The following DPP8 variants were observed in gnomAD, a reference collection of about 807,000 sequenced individuals.
DPP8 encodes the protein DPP VIII.
Under a neutral mutation model 107.5 loss-of-function variants are expected in DPP8, and 31 were observed. The observed-to-expected ratio is 0.29, with a 90% CI of 0.22 to 0.39. The LOEUF is 0.39. Among genes scored for constraint, DPP8 ranks in the 10% least tolerant of loss-of-function variants. The pLI is 1.00. For synonymous variants in DPP8, 381 were observed against 356.6 expected (o/e 1.07, Z -0.77); for missense variants, 842 against 1,076.1 (o/e 0.78, Z 3.04).
intron 17 of DPP8, among the ~76,000 whole-genome samples, chr15:65,453,411 T>C (rs1016638082): frequency 2.0e-5 from 3 of 152,138 alleles, no homozygotes; most frequent in South Asian, 2.1e-4. Flanking sequence ...TTAAACATTA[T>C]ACATGTTTAA....
chr15:65,454,597 G>A (rs1472770082), intron 16 of DPP8, among the ~76,000 whole-genome samples, 182 bp from the exon 17 acceptor site: 1 of 152,198 alleles, frequency 6.6e-6, no homozygotes, highest in Admixed American at 6.5e-5. Context: ...CGCAGTCTCG[G>A]CTCACTGCAA....
chr15:65,514,357 T>C (rs1271104220), intron 1 of DPP8, among the ~76,000 whole-genome samples: 1 of 152,170 alleles, frequency 6.6e-6, no homozygotes, highest in Admixed American at 6.5e-5. Context: ...AGTCATTTAG[T>C]TCAAGGAGTA....
chr15:65,483,163 G>A (rs746484285), intron 8 of DPP8, among the ~76,000 whole-genome samples: 22 of 151,968 alleles, frequency 1.4e-4, no homozygotes, highest in Admixed American at 3.3e-4. Flanking sequence ...AAATATAATG[G>A]ACAAGAAGAA....
At chr15:65,478,297 T>C (rs963303811) in intron 11 of DPP8, among the ~76,000 whole-genome samples, 3 of 152,196 alleles carry the variant, frequency 2.0e-5, no homozygotes, top group Non-Finnish European at 2.9e-5. Context: ...TTTTGCTCTG[T>C]TGCCAGACTG....
intron 14 of DPP8, among the ~76,000 whole-genome samples, chr15:65,466,126 G>C (rs1006855216): frequency 6.6e-6 from 1 of 152,008 alleles, no homozygotes. Flanking sequence ...CTGACACCTT[G>C]ACTATTTTAA....
chr15:65,505,980 A>G (rs2069927334), intron 3 of DPP8, among the ~76,000 whole-genome samples: 1 of 151,644 alleles, frequency 6.6e-6, no homozygotes, highest in South Asian at 2.1e-4. Context: ...AGTTGTTATA[A>G]AAGTTTTTTT....
At chr15:65,487,960 T>C (rs1005570847) in intron 6 of DPP8, 142 bp from the exon 7 acceptor site, 3 of 629,668 alleles carry the variant, frequency 4.8e-6, no homozygotes, top group Admixed American at 6.3e-5. Context: ...TAGGAAAATA[T>C]CACTAGTCTT....
intron 17 of DPP8, among the ~76,000 whole-genome samples, chr15:65,452,742 C>T (rs968475593): frequency 2.5e-4 from 38 of 152,116 alleles, no homozygotes; most frequent in African/African-American, 8.2e-4. Flanking sequence ...GAGGCTGAGG[C>T]GGGCGGATCA....
In DPP8 at chr15:65,483,805, T is replaced by C. The variant is rs540728680; in HGVS notation, c.1017+1294A>G. Among the ~76,000 whole-genome samples, 8 of 152,198 alleles carry C rather than the reference T, an allele frequency of 5.3e-5. No homozygotes were observed. The South Asian group carries it at 1.0e-3, about 20-fold the overall frequency. On this transcript the variant is annotated intron_variant, in intron 8 of 19. Transcript: ENST00000300141. ...ATACTCATGGCAGCATTATTCATAA[T>C]AGCCATAAAATGGAAACAATCAAAA...
In DPP8 at chr15:65,480,366, A is replaced by G; in HGVS notation, c.1152T>C (p.Thr384=). The G allele has an allele frequency of 6.2e-7, 1 of 1,613,538 alleles. No homozygotes were observed. The highest frequency in any genetic ancestry group is 8.5e-7 in the Non-Finnish European group (1 of 1,179,820). ...GTGAGATCAACACTATCTGTAGGCG[A>G]GTCTGGGAGCGATCTAGTAGGATGG... The part of the protein sequence containing the change: ...AWSILLDRSQ[T]RLQIVLISPE... Residue 384 remains threonine (T), a synonymous_variant, in exon 10 of 20, where the codon ACT becomes ACC. Coordinates refer to ENST00000300141, the MANE Select transcript of DPP8 (RefSeq NM_130434.5).
intron 11 of DPP8, among the ~76,000 whole-genome samples, chr15:65,476,784 A>C (rs1056545867): frequency 1.3e-5 from 2 of 152,210 alleles, no homozygotes; most frequent in African/African-American, 4.8e-5. Context: ...AAAAGGTGGA[A>C]CCAATCCCAG....
intron 6 of DPP8, among the ~76,000 whole-genome samples, chr15:65,488,883 C>T (rs1244807795): frequency 6.6e-6 from 1 of 152,160 alleles, no homozygotes; most frequent in East Asian, 1.9e-4. Context: ...CCTATCCATT[C>T]ATATACTGAT....
At chr15:65,474,613 T>C (rs1263205744) in intron 11 of DPP8, among the ~76,000 whole-genome samples, 1 of 152,164 alleles carries the variant, frequency 6.6e-6, no homozygotes, top group Non-Finnish European at 1.5e-5. Context: ...CCTGAGTAGC[T>C]AGAACTAGAC....
chr15:65,512,664 C>A, intron 1 of DPP8, 100 bp from the exon 2 acceptor site: 2 of 1,345,698 alleles, frequency 1.5e-6, no homozygotes, highest in African/African-American at 1.5e-5. Flanking sequence ...GTGGGGAGGG[C>A]AAGAAAAAAA....
chr15:65,446,017 T>C lies in DPP8; in HGVS notation c.*867A>G, dbSNP rs2063485164. The C allele has an allele frequency of 6.6e-6, 1 of 151,962 alleles. No individual in the cohort carries two copies. The highest frequency in any genetic ancestry group is 1.5e-5 in the Non-Finnish European group (1 of 67,996). 9.4% of individuals were successfully genotyped at this position (151,962 alleles called of 1,614,324 possible). A position where few individuals can be genotyped will look rare whatever the true frequency, so the allele number is the denominator to read the frequency against. ...TAATAAGGAAATACCAAATGGAAACTGGCACCACTAAATTTTCTGAAGAAT... is the reference window on the plus strand; with the variant it reads ...TAATAAGGAAATACCAAATGGAAACCGGCACCACTAAATTTTCTGAAGAAT... On this transcript the variant is annotated 3_prime_UTR_variant, in exon 20 of 20. Transcript: ENST00000300141.
chr15:65,471,102 C>T (rs2140559614), intron 12 of DPP8, among the ~76,000 whole-genome samples: 1 of 152,234 alleles, frequency 6.6e-6, no homozygotes, highest in Admixed American at 6.5e-5. Flanking sequence ...TATGTAATGA[C>T]TCATCCTTCA....
In DPP8 at chr15:65,445,510, C is replaced by T. The variant is rs2063466588; in HGVS notation, c.*1374G>A. On this transcript the variant is annotated 3_prime_UTR_variant, in exon 20 of 20. Coordinates refer to ENST00000300141, the MANE Select transcript of DPP8 (RefSeq NM_130434.5). ...TCCTAGTGCTAAACCAAGAAAAGTT[C>T]ATGATCATTCAGAAAAACTGTTTAC... 6.5e-6 allele frequency: 1 copy of T among 152,746 alleles called. No homozygotes were observed. The highest frequency in any genetic ancestry group is 1.5e-5 in the Non-Finnish European group (1 of 67,904). The allele number at this position is 152,746 out of a possible 1,614,324, so 9.5% of individuals were successfully genotyped here.
chr15:65,491,466 A>G (rs1281786611), intron 5 of DPP8, among the ~76,000 whole-genome samples: 1 of 152,190 alleles, frequency 6.6e-6, no homozygotes, highest in Non-Finnish European at 1.5e-5. Flanking sequence ...GCTCCTTCCC[A>G]GTCAAGGCCC....
intron 7 of DPP8, 64 bp downstream of exon 7, chr15:65,487,626 T>C (rs1451414617): frequency 6.6e-7 from 1 of 1,526,068 alleles, no homozygotes; most frequent in Admixed American, 2.0e-5. Flanking sequence ...TTTGGATGAC[T>C]ACAGAAAGAA....
Sources: gnomAD v4.1 joint callset for allele counts (sites outside exome capture counted in the v4.1 genomes callset) on GRCh38, gnomAD v4.1.1 for gene constraint, MANE v1.5 for transcripts, NCBI Gene and HGNC (gene_info 2026-07-23, HGNC 2026-07-21) for gene names.